The following CCDC15 variants were observed in gnomAD, a reference collection of about 807,000 sequenced individuals.
CCDC15 encodes coiled-coil domain containing 15, also known as coiled-coil domain-containing protein 15.
CCDC15 carries 105 observed loss-of-function variants against 114.5 expected under a neutral mutation model. That is an observed-to-expected ratio of 0.92 (90% CI 0.78 to 1.08). The LOEUF (loss-of-function observed/expected upper bound fraction) is 1.08. Ranked by LOEUF, CCDC15 falls within the 50% of genes least tolerant of loss-of-function variation. CCDC15 has a pLI of 0.00. For synonymous variants in CCDC15, 334 were observed against 377.8 expected (o/e 0.88, Z 1.34); for missense variants, 1,105 against 1,093.6 (o/e 1.01, Z -0.15).
chr11:124,987,899 A>G lies in CCDC15; in HGVS notation c.1673A>G (p.Gln558Arg). Residue 558 changes from glutamine to arginine, a missense_variant, in exon 8 of 16, where the codon CAG (glutamine) becomes CGG (arginine). Transcript: ENST00000344762. ...GACTGGAATATTCTACCCAAATGTC[A>G]GGACCAGGATTTTCTACCCAGAGAC... ...PKDWNILPKC[Q>R]DQDFLPRDQG... 1 of 1,614,050 alleles carries G rather than the reference A, an allele frequency of 6.2e-7. No individual in the cohort carries two copies. Among genetic ancestry groups the G allele is most frequent in the Non-Finnish European group, 8.5e-7 (1 of 1,179,888 alleles).
chr11:124,973,573 GGTAGA>G (rs1947921811), intron 4 of CCDC15, among the ~76,000 whole-genome samples: 2 of 152,074 alleles, frequency 1.3e-5, no homozygotes, highest in South Asian at 4.2e-4. Context: ...AATCTGGGCT[GGTAGA>G]GTAGAGTGTT....
chr11:125,003,657 C>T (rs1298686655), intron 11 of CCDC15, among the ~76,000 whole-genome samples: 2 of 151,888 alleles, frequency 1.3e-5, no homozygotes, highest in Non-Finnish European at 2.9e-5. Context: ...CCCTTTTCTT[C>T]GATTTATTAT....
intron 8 of CCDC15, among the ~76,000 whole-genome samples, 195 bp from the exon 9 acceptor site, chr11:124,991,266 A>T (rs556166978): frequency 5.9e-5 from 9 of 152,352 alleles, no homozygotes; most frequent in African/African-American, 1.9e-4. Flanking sequence ...TTTAGAGTGT[A>T]GTTTGAAGCT....
At chr11:125,031,503 G>C (rs926965695) in intron 13 of CCDC15, among the ~76,000 whole-genome samples, 5 of 152,232 alleles carry the variant, frequency 3.3e-5, no homozygotes, top group Non-Finnish European at 1.5e-5. Context: ...AGATGGGTCA[G>C]AAAGCACCCA....
intron 4 of CCDC15, among the ~76,000 whole-genome samples, chr11:124,962,949 T>G (rs1330988851): frequency 2.0e-5 from 3 of 152,220 alleles, no homozygotes; most frequent in Admixed American, 6.5e-5. Context: ...GGTTTCCAGC[T>G]TCATCCATGT....
chr11:124,994,121 C>A (rs1948319288), intron 11 of CCDC15, among the ~76,000 whole-genome samples: 1 of 152,190 alleles, frequency 6.6e-6, no homozygotes, highest in Admixed American at 6.5e-5. Flanking sequence ...CCTGCTCACA[C>A]AATTTGGTAA....
intron 13 of CCDC15, among the ~76,000 whole-genome samples, chr11:125,032,144 A>G (rs1948743635): frequency 6.6e-6 from 1 of 152,242 alleles, no homozygotes. Context: ...TCTAATCAGC[A>G]TAATGTCATC....
Position 124,959,982 on chromosome 11 carries a change from A to G in CCDC15, c.495A>G (p.Leu165=), listed in dbSNP as rs568243929. The G allele has an allele frequency of 1.2e-4, 189 of 1,569,530 alleles. No individual in the cohort carries two copies. The South Asian group carries it at 2.2e-3, about 18-fold the overall frequency. ...AGGATGAAGAGAATCAGAACGAATT[A>G]TTCCAACAACAAGCCCAGGCTGTAA... ...GIEDEENQNE[L]FQQQAQALSE... The change falls in exon 4 of 16, where the codon TTA becomes TTG. Residue 165 remains leucine (L), a synonymous_variant. Coordinates refer to ENST00000344762, the MANE Select transcript of CCDC15 (RefSeq NM_025004.3).
chr11:124,999,854 CTTTTTTTTTTTTT>C (rs768089942), intron 11 of CCDC15, among the ~76,000 whole-genome samples: 2 of 70,122 alleles, frequency 2.9e-5, no homozygotes, highest in South Asian at 8.2e-4. Flanking sequence ...GTATCCTAGA[CTTTTTTTTTTTTT>C]TTTTTTTTTT....
chr11:125,014,426 A>G (rs1024146443), intron 13 of CCDC15, among the ~76,000 whole-genome samples: 2 of 152,202 alleles, frequency 1.3e-5, no homozygotes, highest in African/African-American at 4.8e-5. Context: ...AGAAAAGACA[A>G]CAGAAGCAGA....
intron 6 of CCDC15, among the ~76,000 whole-genome samples, chr11:124,984,120 G>A (rs1948118485): frequency 6.6e-6 from 1 of 152,264 alleles, no homozygotes; most frequent in East Asian, 1.9e-4. Flanking sequence ...TGGCATGGTG[G>A]GATGCATGCA....
chr11:125,005,149 A>C lies in CCDC15; in HGVS notation c.2348A>C (p.Asp783Ala). The C allele has an allele frequency of 6.4e-7, 1 of 1,571,898 alleles. No individual in the cohort carries two copies. The highest frequency in any genetic ancestry group is 1.4e-5 in the African/African-American group (1 of 73,792). Residue 783 changes from aspartate (D) to alanine (A), a missense_variant, in exon 13 of 16, where the codon GAT becomes GCT. Coordinates refer to ENST00000344762, the MANE Select transcript of CCDC15 (RefSeq NM_025004.3). Reference protein sequence around the residue: ...QYLRHRRLFMDIEREQVKEQQ... With the variant: ...QYLRHRRLFMAIEREQVKEQQ... ...CTGAGACATAGACGACTTTTCATGG[A>C]TATTGAGAGAGAACAAGTTAAAGAA...
At chr11:125,014,101 T>C (rs181963570) in intron 13 of CCDC15, among the ~76,000 whole-genome samples, 68 of 152,134 alleles carry the variant, frequency 4.5e-4, no homozygotes, top group Admixed American at 9.2e-4. Flanking sequence ...ACCCACTGGG[T>C]TGGGGGAGGG....
intron 6 of CCDC15, among the ~76,000 whole-genome samples, chr11:124,982,839 C>G (rs1948093469): frequency 2.0e-5 from 3 of 152,142 alleles, no homozygotes; most frequent in Non-Finnish European, 4.4e-5. Context: ...GTTGGCCTCT[C>G]TAGCCAGGTT....
intron 4 of CCDC15, among the ~76,000 whole-genome samples, chr11:124,968,452 C>A (rs1947822401): frequency 6.6e-6 from 1 of 152,200 alleles, no homozygotes; most frequent in African/African-American, 2.4e-5. Context: ...GGGTGTGGGA[C>A]CTGCCAAGCC....
chr11:125,011,242 A>ATTTTT (rs558615124), intron 13 of CCDC15, among the ~76,000 whole-genome samples: 8 of 143,528 alleles, frequency 5.6e-5, no homozygotes, highest in African/African-American at 1.6e-4. Flanking sequence ...TATTATTATT[A>ATTTTT]TTATTATTTT....
chr11:125,035,494 G>T (rs980874603), intron 13 of CCDC15, among the ~76,000 whole-genome samples: 2 of 151,052 alleles, frequency 1.3e-5, no homozygotes, highest in African/African-American at 4.8e-5. Context: ...TTTCTTGCAG[G>T]CAAGGAATTG....
At position 124,979,820 on chromosome 11, in the gene CCDC15, G is replaced by A. The variant is rs549367856; in HGVS notation, c.753+2220G>A. The stretch of plus-strand genomic sequence containing the variant: ...TAGTACCATGTTGAATAGGAATGAT[G>A]AGAGAGGACATCTTTGTCTTGTTCT... On this transcript the variant is annotated intron_variant, in intron 6 of 15. Coordinates refer to ENST00000344762, the MANE Select transcript of CCDC15 (RefSeq NM_025004.3). Among the ~76,000 whole-genome samples the A allele has an allele frequency of 1.4e-4, 21 of 152,288 alleles. No homozygotes were observed. The East Asian group carries it at 3.9e-3, about 28-fold the overall frequency.
chr11:124,992,416 A>G (rs1254863552), intron 9 of CCDC15, among the ~76,000 whole-genome samples, 164 bp from the exon 10 acceptor site: 2 of 152,266 alleles, frequency 1.3e-5, no homozygotes, highest in Admixed American at 1.3e-4. Flanking sequence ...TAAGGTCTAC[A>G]TAGTTGAGCT....
Sources: allele counts gnomAD v4.1 joint callset (sites outside exome capture counted in the v4.1 genomes callset), GRCh38; gene constraint gnomAD v4.1.1; transcripts MANE v1.5; gene names NCBI Gene and HGNC (gene_info 2026-07-23, HGNC 2026-07-21).